STXBP5L: variants seen among roughly 807,000 people sequenced by gnomAD.
The protein encoded by STXBP5L is syntaxin-binding protein 5-like.
STXBP5L carries 65 observed loss-of-function variants against 144.5 expected under a neutral mutation model. The observed-to-expected ratio is 0.45, with a 90% CI of 0.37 to 0.55. STXBP5L has a LOEUF of 0.55. Among genes scored for constraint, STXBP5L ranks in the 20% least tolerant of loss-of-function variants. The probability of loss-of-function intolerance (pLI) is 0.00; values close to 1 mark genes in which losing one functional copy is unlikely to be tolerated. For synonymous variants in STXBP5L, 505 were observed against 469.6 expected, an observed-to-expected ratio of 1.08 and a Z score of -0.97; for missense variants, 1,298 against 1,405.5, an observed-to-expected ratio of 0.92 and a Z score of 1.22.
At chr3:120,976,821 G>A (rs9826081) in intron 3 of STXBP5L, among the ~76,000 whole-genome samples, 15,075 of 152,114 alleles carry the variant, frequency 0.099, 1,179 homozygotes, top group Admixed American at 0.2. Context: ...TCATTCAGGA[G>A]CAGGTTGTTC....
chr3:121,398,664 C>G (rs1044235045), intron 22 of STXBP5L, among the ~76,000 whole-genome samples: 2 of 152,190 alleles, frequency 1.3e-5, no homozygotes, highest in African/African-American at 4.8e-5. Flanking sequence ...AAACAAGCCC[C>G]AGGAAATGAG....
At chr3:120,978,913 T>C (rs907606863) in intron 3 of STXBP5L, among the ~76,000 whole-genome samples, 1 of 152,156 alleles carries the variant, frequency 6.6e-6, no homozygotes, top group Non-Finnish European at 1.5e-5. Context: ...AAGTTTTGTC[T>C]CAGAGGAGTA....
At position 121,356,561 on chromosome 3, in the gene STXBP5L, G is replaced by T. The variant is rs186216194; in HGVS notation, c.2177-22155G>T. On this transcript the variant is annotated intron_variant, in intron 20 of 26. Coordinates refer to ENST00000471454, the MANE Select transcript of STXBP5L (RefSeq NM_001308330.2). ...GACTTTGGGAAAAGTACAGTATTTG[G>T]GTGGGAGTATCCCATTTTTCCAGGT... is the stretch of plus-strand genomic sequence containing the variant. 6.9e-4 allele frequency among the ~76,000 whole-genome samples: 105 copies of T among 152,312 alleles called. No homozygotes were observed. In the East Asian group the frequency reaches 0.018, roughly 26 times the overall value.
chr3:121,358,050 G>A (rs1463585780), intron 20 of STXBP5L: 1 of 152,144 alleles, frequency 6.6e-6, no homozygotes, highest in Non-Finnish European at 1.5e-5. Flanking sequence ...TACATGCAAT[G>A]TGAAATAACC....
At chr3:121,210,285 GT>G (rs1002155793) in intron 10 of STXBP5L, among the ~76,000 whole-genome samples, 2 of 150,452 alleles carry the variant, frequency 1.3e-5, no homozygotes, top group South Asian at 2.1e-4. Flanking sequence ...GGAGTTGTTT[GT>G]TTTTTTCTTG....
At position 121,010,290 on chromosome 3, in the gene STXBP5L, C is replaced by A. The variant is rs1944675653; in HGVS notation, c.288-31410C>A. On this transcript the variant is annotated intron_variant, in intron 3 of 26. Coordinates refer to ENST00000471454, the MANE Select transcript of STXBP5L (RefSeq NM_001308330.2). ...TCACTACTACACATAGTTGTTGTGGCACTGCAGCATCTTCTTCAAGAGGAA... is the reference window on the plus strand; with the variant it reads ...TCACTACTACACATAGTTGTTGTGGAACTGCAGCATCTTCTTCAAGAGGAA... Among the ~76,000 whole-genome samples the A allele has an allele frequency of 4.0e-5, 6 of 151,684 alleles. No homozygotes were observed. The South Asian group carries it at 1.2e-3, about 31-fold the overall frequency.
intron 3 of STXBP5L, among the ~76,000 whole-genome samples, chr3:121,012,925 A>G (rs1944887324): frequency 6.6e-6 from 1 of 151,928 alleles, no homozygotes; most frequent in Admixed American, 6.6e-5. Flanking sequence ...GTTCCTACTT[A>G]CAAGTGAGAA....
At chr3:121,020,423 A>G (rs1945463462) in intron 3 of STXBP5L, among the ~76,000 whole-genome samples, 1 of 152,190 alleles carries the variant, frequency 6.6e-6, no homozygotes, top group Non-Finnish European at 1.5e-5. Context: ...CACCTGGGAA[A>G]TTTATTGCAA....
intron 10 of STXBP5L, among the ~76,000 whole-genome samples, chr3:121,208,502 C>A (rs111885138): frequency 4.0e-5 from 6 of 151,054 alleles, no homozygotes; most frequent in Admixed American, 1.3e-4. Context: ...ATACTAATAA[C>A]AAAAAAACCC....
At chr3:121,084,395 TC>T (rs1280909538) in intron 5 of STXBP5L, among the ~76,000 whole-genome samples, 1 of 152,106 alleles carries the variant, frequency 6.6e-6, no homozygotes, top group Admixed American at 6.6e-5. Context: ...TGTGTGTTGT[TC>T]CCCTCCTTCT....
intron 9 of STXBP5L, among the ~76,000 whole-genome samples, chr3:121,164,581 A>G (rs2046436238): frequency 6.6e-6 from 1 of 152,218 alleles, no homozygotes; most frequent in African/African-American, 2.4e-5. Context: ...CTATAAAGTT[A>G]TCTGCACTCC....
intron 19 of STXBP5L, among the ~76,000 whole-genome samples, chr3:121,315,071 G>T (rs1173510590): frequency 6.6e-6 from 1 of 152,152 alleles, no homozygotes; most frequent in Non-Finnish European, 1.5e-5. Context: ...GTGGAAGTCA[G>T]TGTGGTGATT....
At chr3:121,301,456 G>C (rs2051902760) in intron 19 of STXBP5L, among the ~76,000 whole-genome samples, 1 of 152,158 alleles carries the variant, frequency 6.6e-6, no homozygotes, top group Non-Finnish European at 1.5e-5. Flanking sequence ...CTGAGATGAT[G>C]GGGTTCTCTA....
chr3:120,993,062 C>G (rs1046926478), intron 3 of STXBP5L, among the ~76,000 whole-genome samples: 4 of 152,052 alleles, frequency 2.6e-5, no homozygotes, highest in Admixed American at 6.6e-5. Flanking sequence ...TGATGTTAAG[C>G]ATTTTTCGTG....
At chr3:121,017,711 G>A (rs628329) in intron 3 of STXBP5L, among the ~76,000 whole-genome samples, 77,664 of 151,938 alleles carry the variant, frequency 0.51, 20,307 homozygotes, top group Admixed American at 0.6. Flanking sequence ...ATATATAAAT[G>A]TAACAAAATA....
intron 3 of STXBP5L, among the ~76,000 whole-genome samples, chr3:120,961,301 T>G (rs1338546699): frequency 1.3e-5 from 2 of 151,660 alleles, no homozygotes; most frequent in Non-Finnish European, 2.9e-5. Flanking sequence ...ATACTTTAAG[T>G]TCTAGGGTAC....
intron 5 of STXBP5L, among the ~76,000 whole-genome samples, chr3:121,047,520 A>T (rs1242131312): frequency 6.6e-6 from 1 of 152,278 alleles, no homozygotes. Flanking sequence ...AACTCGCTTT[A>T]TGAATCCGGG....
intron 19 of STXBP5L, among the ~76,000 whole-genome samples, chr3:121,313,750 C>A (rs1463204108): frequency 7.5e-6 from 1 of 132,806 alleles, no homozygotes; most frequent in African/African-American, 2.8e-5. Flanking sequence ...CCCCCCACCT[C>A]CCTCCCGGAC....
chr3:121,005,721 A>T (rs569342457), intron 3 of STXBP5L, among the ~76,000 whole-genome samples: 1 of 152,054 alleles, frequency 6.6e-6, no homozygotes, highest in Non-Finnish European at 1.5e-5. Context: ...ACACTGCTTT[A>T]AATGTGTCCC....
Sources: allele counts gnomAD v4.1 joint callset (sites outside exome capture counted in the v4.1 genomes callset), GRCh38; gene constraint gnomAD v4.1.1; transcripts MANE v1.5; gene names NCBI Gene and HGNC (gene_info 2026-07-23, HGNC 2026-07-21).